AK5: variants seen among roughly 807,000 people sequenced by gnomAD.
The protein encoded by AK5 is adenylate kinase 5, also known as adenylate kinase isoenzyme 5.
AK5 carries 27 observed loss-of-function variants against 69.5 expected under a neutral mutation model. That is an observed-to-expected ratio of 0.39 (90% CI 0.29 to 0.54). AK5 has a LOEUF of 0.54. AK5 is among the 20% of genes least tolerant of loss of function. The pLI is 0.71. For missense variants in AK5, 531 were observed against 700.4 expected (o/e 0.76, Z 2.73); for synonymous variants, 260 against 244.4 (o/e 1.06, Z -0.60).
chr1:77,539,094 A>G lies in AK5; in HGVS notation c.1620+3056A>G, dbSNP rs545658968. Among the ~76,000 whole-genome samples the G allele has an allele frequency of 3.3e-5, 5 of 152,362 alleles. No individual in the cohort carries two copies. In the South Asian group the frequency reaches 6.2e-4, roughly 19 times the overall value. ...CCTTATGTGAATCAGCTGGCTACCTACTATTGACTTAAGCTCAGCTGCTGG... is the reference window on the plus strand; with the variant it reads ...CCTTATGTGAATCAGCTGGCTACCTGCTATTGACTTAAGCTCAGCTGCTGG... On this transcript the variant is annotated intron_variant, in intron 13 of 13. Transcript: ENST00000354567.
At chr1:77,319,931 G>A (rs767483067) in intron 5 of AK5, among the ~76,000 whole-genome samples, 2 of 152,138 alleles carry the variant, frequency 1.3e-5, no homozygotes, top group African/African-American at 2.4e-5. Flanking sequence ...TGAATAAACA[G>A]GGTAATTGTT....
chr1:77,389,166 C>G (rs754621846), intron 6 of AK5, among the ~76,000 whole-genome samples: 21 of 152,144 alleles, frequency 1.4e-4, no homozygotes, highest in Non-Finnish European at 1.2e-4. Flanking sequence ...CCCAAGGCTG[C>G]CTTTCTGATG....
At chr1:77,301,473 T>C (rs1659339016) in intron 5 of AK5, among the ~76,000 whole-genome samples, 1 of 152,216 alleles carries the variant, frequency 6.6e-6, no homozygotes, top group Admixed American at 6.5e-5. Context: ...GCTATTACTA[T>C]GGAAGTCTGG....
intron 12 of AK5, chr1:77,532,390 C>G (rs555411641): frequency 1.3e-5 from 2 of 152,566 alleles, no homozygotes; most frequent in Non-Finnish European, 1.5e-5. Context: ...GCCCCACCCC[C>G]CTCTCCTGGT....
At chr1:77,343,607 T>C (rs555848917) in intron 6 of AK5, among the ~76,000 whole-genome samples, 1 of 152,162 alleles carries the variant, frequency 6.6e-6, no homozygotes, top group Middle Eastern at 3.2e-3. Context: ...CTACCACCTG[T>C]GTGACTTTCT....
chr1:77,345,891 C>G (rs1661889698), intron 6 of AK5, among the ~76,000 whole-genome samples: 1 of 152,124 alleles, frequency 6.6e-6, no homozygotes. Flanking sequence ...AACTTTGAGT[C>G]CCCCCAAACA....
intron 8 of AK5, among the ~76,000 whole-genome samples, chr1:77,433,910 A>C (rs1382174861): frequency 6.6e-6 from 1 of 151,472 alleles, no homozygotes; most frequent in Non-Finnish European, 1.5e-5. Context: ...CATAATTTTT[A>C]TTTATTTTAT....
At chr1:77,538,835 G>A (rs1038313852) in intron 13 of AK5, among the ~76,000 whole-genome samples, 1 of 152,132 alleles carries the variant, frequency 6.6e-6, no homozygotes, top group African/African-American at 2.4e-5. Context: ...CGTGAGTACA[G>A]GGTTGAGTTC....
chr1:77,397,442 C>T (rs552899148), intron 6 of AK5, among the ~76,000 whole-genome samples: 74 of 152,310 alleles, frequency 4.9e-4, no homozygotes, highest in African/African-American at 1.8e-3. Context: ...CCCAAGTCAT[C>T]CTTACTTTGA....
chr1:77,419,306 C>T (rs1303398728), intron 8 of AK5, among the ~76,000 whole-genome samples: 1 of 152,080 alleles, frequency 6.6e-6, no homozygotes, highest in Non-Finnish European at 1.5e-5. Context: ...GCAAAACAAC[C>T]ACTTACAATC....
At chr1:77,419,271 C>G (rs1202701016) in intron 8 of AK5, among the ~76,000 whole-genome samples, 2 of 151,970 alleles carry the variant, frequency 1.3e-5, no homozygotes, top group African/African-American at 4.8e-5. Flanking sequence ...AGTTGCTGAC[C>G]CATAAGACTC....
At chr1:77,315,201 C>T (rs1386627495) in intron 5 of AK5, 1 of 152,052 alleles carries the variant, frequency 6.6e-6, no homozygotes, top group Non-Finnish European at 1.5e-5. Context: ...TCCCAGAAAG[C>T]AGACACCTTA....
intron 8 of AK5, among the ~76,000 whole-genome samples, chr1:77,458,141 G>A (rs1486527153): frequency 1.3e-5 from 2 of 149,320 alleles, no homozygotes; most frequent in Non-Finnish European, 3.0e-5. Context: ...CAAAACAAAT[G>A]TCAGGGGTGG....
intron 8 of AK5, among the ~76,000 whole-genome samples, chr1:77,443,829 G>A (rs1428288636): frequency 1.3e-5 from 2 of 151,112 alleles, no homozygotes; most frequent in African/African-American, 4.9e-5. Context: ...ATATGTGTAA[G>A]GTATACAACA....
intron 12 of AK5, among the ~76,000 whole-genome samples, chr1:77,533,297 C>T (rs1267677516): frequency 6.6e-6 from 1 of 152,026 alleles, no homozygotes; most frequent in African/African-American, 2.4e-5. Flanking sequence ...GGGTGGATCA[C>T]TTGAGGTCAG....
chr1:77,413,555 CATCT>C (rs1262327746), intron 7 of AK5, among the ~76,000 whole-genome samples: 1 of 152,190 alleles, frequency 6.6e-6, no homozygotes, highest in Non-Finnish European at 1.5e-5. Context: ...CTAGCAAAGC[CATCT>C]GGCTGCGTCA....
At position 77,297,608 on chromosome 1, in the gene AK5, A is replaced by G. The variant is rs147715774; in HGVS notation, c.465A>G (p.Arg155=). Residue 155 remains arginine, a synonymous_variant, in exon 4 of 14, where the codon CGA becomes CGG. Transcript: ENST00000354567. ...KGTQSLKIAE[R]YGFQYISVGE... The stretch of plus-strand genomic sequence containing the variant: ...CTCAGAGTTTGAAAATTGCAGAACG[A>G]TATGGATTCCAATACATTTCTGTGG... The G allele has an allele frequency of 1.6e-3, 2,614 of 1,613,596 alleles. 2 individuals carry two copies. The highest frequency in any genetic ancestry group is 1.9e-3 in the Non-Finnish European group (2,236 of 1,179,828).
At chr1:77,451,507 C>G (rs911031760) in intron 8 of AK5, among the ~76,000 whole-genome samples, 5 of 152,176 alleles carry the variant, frequency 3.3e-5, no homozygotes, top group Non-Finnish European at 4.4e-5. Context: ...CCTGGCACAT[C>G]ATGGCACATA....
At chr1:77,298,247 A>G (rs1157949491) in intron 5 of AK5, among the ~76,000 whole-genome samples, 1 of 152,156 alleles carries the variant, frequency 6.6e-6, no homozygotes, top group African/African-American at 2.4e-5. Flanking sequence ...ATTTTGAATT[A>G]CTAAGAATAA....
Sources: gnomAD v4.1 joint callset for allele counts (sites outside exome capture counted in the v4.1 genomes callset) on GRCh38, gnomAD v4.1.1 for gene constraint, MANE v1.5 for transcripts, NCBI Gene and HGNC (gene_info 2026-07-23, HGNC 2026-07-21) for gene names.